The following MED13L variants were observed in gnomAD, a reference collection of about 807,000 sequenced individuals.
MED13L encodes the protein mediator of RNA polymerase II transcription subunit 13-like.
A neutral mutation model predicts 220.9 loss-of-function variants in MED13L; 7 were observed. That is an observed-to-expected ratio of 0.03 (90% CI 0.02 to 0.06). MED13L has a LOEUF of 0.06. MED13L is among the 10% of genes least tolerant of loss of function. The pLI is 1.00. For synonymous variants in MED13L, 1,011 were observed against 1,015.2 expected (o/e 1.00, Z 0.08); for missense variants, 1,965 against 2,760.5 (o/e 0.71, Z 6.46).
At chr12:116,142,801 T>C (rs1374784960) in intron 2 of MED13L, among the ~76,000 whole-genome samples, 3 of 152,178 alleles carry the variant, frequency 2.0e-5, no homozygotes, top group African/African-American at 4.8e-5. Context: ...TACACACAAT[T>C]TAAAAGCAAT....
chr12:116,109,774 T>C (rs1192603158), intron 3 of MED13L, among the ~76,000 whole-genome samples: 1 of 152,178 alleles, frequency 6.6e-6, no homozygotes, highest in Admixed American at 6.5e-5. Flanking sequence ...AGTACTCAAC[T>C]CTTAAATCAA....
intron 4 of MED13L, among the ~76,000 whole-genome samples, chr12:116,077,328 A>G (rs1870880198): frequency 6.6e-6 from 1 of 152,202 alleles, no homozygotes; most frequent in African/African-American, 2.4e-5. Context: ...CTAATGGCCA[A>G]AGCAAGATCA....
chr12:116,170,461 C>T (rs559333910), intron 2 of MED13L, among the ~76,000 whole-genome samples: 1 of 152,106 alleles, frequency 6.6e-6, no homozygotes, highest in African/African-American at 2.4e-5. Context: ...CTGGTCAATG[C>T]AAAACTCAAA....
chr12:116,121,699 T>C (rs1369424936), intron 2 of MED13L, among the ~76,000 whole-genome samples: 3 of 152,198 alleles, frequency 2.0e-5, no homozygotes, highest in South Asian at 2.1e-4. Context: ...TTTTAATGTA[T>C]CATATTGCAG....
intron 2 of MED13L, among the ~76,000 whole-genome samples, chr12:116,173,298 A>G (rs570406046): frequency 6.2e-4 from 95 of 152,352 alleles, no homozygotes; most frequent in Admixed American, 6.1e-3. Flanking sequence ...TAACTTGACC[A>G]GGTATGGCAC....
chr12:116,091,358 T>A (rs2137791206), intron 4 of MED13L, among the ~76,000 whole-genome samples: 1 of 152,204 alleles, frequency 6.6e-6, no homozygotes, highest in East Asian at 1.9e-4. Context: ...TAACTTCTTT[T>A]AAGTTATTAA....
chr12:116,211,955 T>C (rs1043091328), intron 2 of MED13L, among the ~76,000 whole-genome samples: 2 of 146,092 alleles, frequency 1.4e-5, no homozygotes, highest in Non-Finnish European at 3.1e-5. Context: ...GTTTAATAAA[T>C]AACTATTAAA....
At chr12:115,969,294 C>A (rs1447395879) in intron 27 of MED13L, among the ~76,000 whole-genome samples, 197 bp from the exon 28 acceptor site, 1 of 152,148 alleles carries the variant, frequency 6.6e-6, no homozygotes, top group Non-Finnish European at 1.5e-5. Flanking sequence ...TGTACTCTCT[C>A]CAATGATCTC....
At chr12:116,106,017 T>A (rs1349826779) in intron 3 of MED13L, among the ~76,000 whole-genome samples, 1 of 152,200 alleles carries the variant, frequency 6.6e-6, no homozygotes, top group Non-Finnish European at 1.5e-5. Flanking sequence ...CACCAAGTCA[T>A]ACCCAGGAGG....
intron 2 of MED13L, among the ~76,000 whole-genome samples, chr12:116,221,377 A>G (rs1158165185): frequency 6.6e-6 from 1 of 151,810 alleles, no homozygotes; most frequent in East Asian, 1.9e-4. Flanking sequence ...CTGTCTTAAA[A>G]AAAAAAAAAA....
intron 2 of MED13L, among the ~76,000 whole-genome samples, chr12:116,137,381 G>C (rs1876650070): frequency 6.6e-6 from 1 of 152,092 alleles, no homozygotes; most frequent in African/African-American, 2.4e-5. Context: ...CCACTTTACA[G>C]ATATAGAAAT....
chr12:116,224,042 T>G (rs1868712334), intron 2 of MED13L, among the ~76,000 whole-genome samples: 1 of 152,216 alleles, frequency 6.6e-6, no homozygotes, highest in Non-Finnish European at 1.5e-5. Context: ...AGCGAGCACA[T>G]GTACCAGGCA....
rs10611880 is a variant in MED13L at position 116,085,754 on chromosome 12, TCACACACA to T, written c.479+10907_479+10914del. ...AAATTCAAGAGAAGATTAAAATCAC[TCACACACA>T]CACACACACACACACACACACACAC... On this transcript the variant is annotated intron_variant, in intron 4 of 30. Coordinates refer to ENST00000281928, the MANE Select transcript of MED13L (RefSeq NM_015335.5). Among the ~76,000 whole-genome samples the T allele has an allele frequency of 1.3e-3, 192 of 147,102 alleles. 1 individual carries two copies. The highest frequency in any genetic ancestry group is 2.0e-3 in the South Asian group (9 of 4,536).
chr12:116,269,014 T>C (rs1873048971), intron 1 of MED13L, among the ~76,000 whole-genome samples: 1 of 152,212 alleles, frequency 6.6e-6, no homozygotes, highest in Non-Finnish European at 1.5e-5. Flanking sequence ...ACATGTGCCA[T>C]GGTGACTCGC....
intron 2 of MED13L, among the ~76,000 whole-genome samples, chr12:116,184,294 G>A (rs1403654499): frequency 6.6e-6 from 1 of 151,934 alleles, no homozygotes; most frequent in East Asian, 1.9e-4. Flanking sequence ...TTAAATGAAA[G>A]CAGAAGTAAA....
At position 116,220,424 on chromosome 12, in the gene MED13L, C is replaced by T. The variant is rs189889840; in HGVS notation, c.310+17044G>A. Among the ~76,000 whole-genome samples, 16 of 152,196 alleles carry T rather than the reference C, an allele frequency of 1.1e-4. No individual in the cohort carries two copies. The East Asian group carries it at 1.4e-3, about 13-fold the overall frequency. On this transcript the variant is annotated intron_variant, in intron 2 of 30. Transcript: ENST00000281928. Reference sequence around the variant, plus strand: ...TTTTAAAAGAGAACATAGGGCCGGACGTGGTGACTCATGCCTATAATCCCA... The same window carrying T: ...TTTTAAAAGAGAACATAGGGCCGGATGTGGTGACTCATGCCTATAATCCCA...
intron 4 of MED13L, among the ~76,000 whole-genome samples, chr12:116,051,072 T>C (rs1592988318): frequency 6.6e-6 from 1 of 152,142 alleles, no homozygotes; most frequent in East Asian, 1.9e-4. Context: ...ATACCTAAAT[T>C]AGGAAGCCCA....
intron 1 of MED13L, among the ~76,000 whole-genome samples, chr12:116,257,615 A>C (rs1190779739): frequency 1.3e-5 from 2 of 152,224 alleles, no homozygotes; most frequent in Non-Finnish European, 2.9e-5. Context: ...CAGGCCTCCA[A>C]GCTGCCTGTA....
chr12:116,098,010 C>G (rs1007696241), intron 3 of MED13L, among the ~76,000 whole-genome samples: 3 of 152,110 alleles, frequency 2.0e-5, no homozygotes, highest in African/African-American at 7.2e-5. Flanking sequence ...TTTGGGAAGC[C>G]GAGGCGGGCA....
Sources: allele counts gnomAD v4.1 joint callset (sites outside exome capture counted in the v4.1 genomes callset), GRCh38; gene constraint gnomAD v4.1.1; transcripts MANE v1.5; gene names NCBI Gene and HGNC (gene_info 2026-07-23, HGNC 2026-07-21).